Variants in DCTN5 observed in about 807,000 individuals in gnomAD.
DCTN5 encodes the protein dynactin 4.
A neutral mutation model predicts 23.5 loss-of-function variants in DCTN5; 14 were observed. That is an observed-to-expected ratio of 0.60 (90% CI 0.39 to 0.93). DCTN5 has a LOEUF of 0.93. DCTN5 is among the 40% of genes least tolerant of loss of function. DCTN5 has a pLI of 0.00. For missense variants in DCTN5, 156 were observed against 225.9 expected, an observed-to-expected ratio of 0.69 and a Z score of 1.98; for synonymous variants, 67 against 79.6, an observed-to-expected ratio of 0.84 and a Z score of 0.84.
Position 23,675,009 on chromosome 16 carries a change from T to G in DCTN5, c.*7865T>G, listed in dbSNP as rs1968066357. 1.3e-5 allele frequency: 2 copies of G among 152,118 alleles called. No individual in the cohort carries two copies. Among genetic ancestry groups the G allele is most frequent in the South Asian group, 4.1e-4 (2 of 4,820 alleles). The allele number at this position is 152,118 out of a possible 1,614,324, so 9.4% of individuals were successfully genotyped here. Reference sequence around the variant, plus strand: ...TTAGGGCCCATCCTAACAATCCCATTTTAACTTAGTTACCTCTTCAGGGCC... The same window carrying G: ...TTAGGGCCCATCCTAACAATCCCATGTTAACTTAGTTACCTCTTCAGGGCC... On this transcript the variant is annotated 3_prime_UTR_variant, in exon 6 of 6. Transcript: ENST00000300087.
chr16:23,670,768 A>G lies in DCTN5; in HGVS notation c.*3624A>G, dbSNP rs1160503777. On this transcript the variant is annotated 3_prime_UTR_variant, in exon 6 of 6. Coordinates refer to ENST00000300087, the MANE Select transcript of DCTN5 (RefSeq NM_032486.4). Reference sequence around the variant, plus strand: ...CTACAGTTCCCATAAGTACATGATAACTGAAACACTTCTAGAGCCCCCCAG... The same window carrying G: ...CTACAGTTCCCATAAGTACATGATAGCTGAAACACTTCTAGAGCCCCCCAG... 6.6e-6 allele frequency: 1 copy of G among 151,576 alleles called. No homozygotes were observed. Among genetic ancestry groups the G allele is most frequent in the Non-Finnish European group, 1.5e-5 (1 of 68,028 alleles). 9.4% of individuals were successfully genotyped at this position (151,576 alleles called of 1,614,324 possible). A position where few individuals can be genotyped will look rare whatever the true frequency, so the allele number is the denominator to read the frequency against.
At position 23,673,420 on chromosome 16, in the gene DCTN5, C is replaced by A. The variant is rs1404824081; in HGVS notation, c.*6276C>A. ...CTGTGCCCCGCCATTTTTTAATAAA[C>A]CTTTCTAATGGAACAAGTAAAACAC... On this transcript the variant is annotated 3_prime_UTR_variant, in exon 6 of 6. Transcript: ENST00000300087. 6.6e-6 allele frequency: 1 copy of A among 152,154 alleles called. No individual in the cohort carries two copies. The highest frequency in any genetic ancestry group is 1.5e-5 in the Non-Finnish European group (1 of 68,032). 9.4% of individuals were successfully genotyped at this position (152,154 alleles called of 1,614,324 possible). A position where few individuals can be genotyped will look rare whatever the true frequency, so the allele number is the denominator to read the frequency against.
chr16:23,667,251 C>A lies in DCTN5; in HGVS notation c.*107C>A. 1 of 1,391,368 alleles carries A rather than the reference C, an allele frequency of 7.2e-7. No homozygotes were observed. Among genetic ancestry groups the A allele is most frequent in the Non-Finnish European group, 9.8e-7 (1 of 1,018,078 alleles). The allele number at this position is 1,391,368 out of a possible 1,614,324, so 86.2% of individuals were successfully genotyped here. On this transcript the variant is annotated 3_prime_UTR_variant, in exon 6 of 6. Coordinates refer to ENST00000300087, the MANE Select transcript of DCTN5 (RefSeq NM_032486.4). ...GCTTTTGTGTCTTTGACATCTACCA[C>A]CCTCCTCCTTTTAAAAAATTTCTTT... is the stretch of plus-strand genomic sequence containing the variant.
chr16:23,641,924 C>A (rs1967279292), intron 1 of DCTN5, among the ~76,000 whole-genome samples: 1 of 151,974 alleles, frequency 6.6e-6, no homozygotes, highest in South Asian at 2.1e-4. Context: ...AAAAACGATT[C>A]GGTTCTTTTT....
intron 3 of DCTN5, among the ~76,000 whole-genome samples, chr16:23,660,268 GA>G (rs1967786854): frequency 6.6e-6 from 1 of 152,210 alleles, no homozygotes; most frequent in Non-Finnish European, 1.5e-5. Flanking sequence ...ATTCTGGACA[GA>G]ATAGAACAGA....
rs1161771066 is a variant in DCTN5 at position 23,671,706 on chromosome 16, T to G, written c.*4562T>G. 6.6e-6 allele frequency: 1 copy of G among 152,264 alleles called. No individual in the cohort carries two copies. 9.4% of individuals were successfully genotyped at this position (152,264 alleles called of 1,614,324 possible). Reference sequence around the variant, plus strand: ...CTCCAAGGCAGCTGGCTTTGAACACTACCCTTGCAGCCCAGTCAGCCAATC... The same window carrying G: ...CTCCAAGGCAGCTGGCTTTGAACACGACCCTTGCAGCCCAGTCAGCCAATC... On this transcript the variant is annotated 3_prime_UTR_variant, in exon 6 of 6. Transcript: ENST00000300087.
chr16:23,668,279 T>C lies in DCTN5; in HGVS notation c.*1135T>C, dbSNP rs1221878220. On this transcript the variant is annotated 3_prime_UTR_variant, in exon 6 of 6. Transcript: ENST00000300087. ...ACAGTTCAGCCTTGAGGTTAGAATT[T>C]AGCAGGAGCTATCCTGACTTAATAT... 6.6e-6 allele frequency: 1 copy of C among 152,264 alleles called. No homozygotes were observed. Among genetic ancestry groups the C allele is most frequent in the Non-Finnish European group, 1.5e-5 (1 of 68,048 alleles). The allele number at this position is 152,264 out of a possible 1,614,324, so 9.4% of individuals were successfully genotyped here.
chr16:23,643,367 A>G (rs1367712811), intron 2 of DCTN5, among the ~76,000 whole-genome samples: 2 of 151,392 alleles, frequency 1.3e-5, no homozygotes, highest in Non-Finnish European at 2.9e-5. Context: ...AATATTTTGT[A>G]TTTTTAGTAG....
At chr16:23,656,578 C>T (rs1036993072) in intron 2 of DCTN5, among the ~76,000 whole-genome samples, 2 of 152,168 alleles carry the variant, frequency 1.3e-5, no homozygotes, top group Non-Finnish European at 2.9e-5. Flanking sequence ...TAATAGGGTC[C>T]TTATCTCCCT....
chr16:23,649,837 CAAAAAAAAAAAA>C (rs1175500177), intron 2 of DCTN5, among the ~76,000 whole-genome samples: 2 of 56,004 alleles, frequency 3.6e-5, no homozygotes, highest in African/African-American at 1.1e-4. Context: ...GACTCTGTCT[CAAAAAAAAAAAA>C]AAAAAAAAAG....
rs1173322581 is a variant in DCTN5, at chr16:23,659,758, G to A, written c.236+1133G>A. 3.3e-5 allele frequency among the ~76,000 whole-genome samples: 5 copies of A among 152,102 alleles called. No homozygotes were observed. In the East Asian group the frequency reaches 5.8e-4, roughly 18 times the overall value. ...TTCCATGACATACAAGAACTGGATC[G>A]GAGAATCATTATAAAACATTCACAT... On this transcript the variant is annotated intron_variant, in intron 3 of 5. Transcript: ENST00000300087.
intron 2 of DCTN5, among the ~76,000 whole-genome samples, chr16:23,646,670 G>C (rs2047441174): frequency 1.3e-5 from 2 of 151,812 alleles, no homozygotes; most frequent in Admixed American, 1.3e-4. Flanking sequence ...TCCGCCTCCT[G>C]GGTTCAAGTG....
intron 2 of DCTN5, among the ~76,000 whole-genome samples, chr16:23,648,814 C>T (rs535969140): frequency 2.1e-4 from 32 of 152,160 alleles, no homozygotes; most frequent in Non-Finnish European, 3.8e-4. Context: ...TGAAGTGGTA[C>T]CTCATTGTGG....
chr16:23,667,000 C>T (rs1243194390), intron 5 of DCTN5, 47 bp from the exon 6 acceptor site: 1 of 1,611,272 alleles, frequency 6.2e-7, no homozygotes, highest in Admixed American at 1.7e-5. Context: ...ATCTTAACTT[C>T]TTGTAACTTC....
chr16:23,649,232 G>A (rs894675010), intron 2 of DCTN5, among the ~76,000 whole-genome samples: 3 of 152,070 alleles, frequency 2.0e-5, no homozygotes, highest in African/African-American at 4.8e-5. Context: ...GAGAAATGTC[G>A]ATTCAAATCA....
At chr16:23,657,232 G>A (rs1299726686) in intron 2 of DCTN5, among the ~76,000 whole-genome samples, 32 of 152,138 alleles carry the variant, frequency 2.1e-4, no homozygotes, top group Admixed American at 2.1e-3. Context: ...TTGGAGGATT[G>A]ATTGCATGAG....
At chr16:23,661,755 A>AAAT (rs1567233059) in intron 4 of DCTN5, among the ~76,000 whole-genome samples, 30 of 143,014 alleles carry the variant, frequency 2.1e-4, no homozygotes, top group Non-Finnish European at 3.3e-4. Context: ...AATAAATAAA[A>AAAT]AGATTTGGAA....
Position 23,665,630 on chromosome 16 carries a change from G to A in DCTN5, c.353G>A (p.Arg118His), listed in dbSNP as rs764481027. 13 of 1,611,892 alleles carry A rather than the reference G, an allele frequency of 8.1e-6. No homozygotes were observed. Among genetic ancestry groups the A allele is most frequent in the South Asian group, 1.1e-5 (1 of 90,572 alleles). ...VHVGKNCVIG[R>H]RCVLKDCCKI... ...TTAACAAGATTTTAATTTCAGGGGC[G>A]CCGATGTGTGTTGAAAGACTGCTGC... The change falls in exon 5 of 6, where the codon CGC (arginine) becomes CAC (histidine). Residue 118 changes from arginine (R) to histidine (H), a missense_variant. Arg to His is a conservative substitution (Grantham distance 29, BLOSUM62 0). This residue lies in a region of DCTN5 where 153 missense variants were observed against 206.8 expected (regional missense o/e 0.74). Coordinates refer to ENST00000300087, the MANE Select transcript of DCTN5 (RefSeq NM_032486.4).
At chr16:23,642,177 C>G (rs1343570513) in intron 1 of DCTN5, among the ~76,000 whole-genome samples, 4 of 152,290 alleles carry the variant, frequency 2.6e-5, no homozygotes, top group African/African-American at 7.2e-5. Flanking sequence ...AGGTGATCGA[C>G]CCGCCTCGGC....
Sources: allele counts gnomAD v4.1 joint callset (sites outside exome capture counted in the v4.1 genomes callset), GRCh38; gene constraint gnomAD v4.1.1; regional missense constraint gnomAD v4.1.1; transcripts MANE v1.5; gene names NCBI Gene and HGNC (gene_info 2026-07-23, HGNC 2026-07-21).